The following TMEM132C variants were observed in gnomAD, a reference collection of about 807,000 sequenced individuals.
The protein encoded by TMEM132C is transmembrane protein 132C, also known as protein phosphatase 1, regulatory subunit 152.
A neutral mutation model predicts 61.4 loss-of-function variants in TMEM132C; 29 were observed. That is an observed-to-expected ratio of 0.47 (90% CI 0.35 to 0.64). The LOEUF is 0.64. TMEM132C is among the 30% of genes least tolerant of loss of function. The pLI is 0.00. For missense variants in TMEM132C, 1,408 were observed against 1,476.9 expected (o/e 0.95, Z 0.76); for synonymous variants, 656 against 633.1 (o/e 1.04, Z -0.54).
intron 5 of TMEM132C, among the ~76,000 whole-genome samples, chr12:128,693,386 C>G (rs1457137857): frequency 6.6e-6 from 1 of 152,198 alleles, no homozygotes; most frequent in Non-Finnish European, 1.5e-5. Context: ...CAGTTCTGTA[C>G]AAGTTCAAGT....
chr12:128,515,189 C>A (rs1418171354), intron 2 of TMEM132C, among the ~76,000 whole-genome samples: 1 of 152,184 alleles, frequency 6.6e-6, no homozygotes, highest in Non-Finnish European at 1.5e-5. Flanking sequence ...AGCCGTGTAA[C>A]CTGTTTCTAG....
chr12:128,277,271 C>T (rs956151931), intron 1 of TMEM132C, among the ~76,000 whole-genome samples: 1 of 152,194 alleles, frequency 6.6e-6, no homozygotes, highest in African/African-American at 2.4e-5. Flanking sequence ...TCAGGCACAG[C>T]TGGATCCAGG....
chr12:128,575,255 C>T (rs1231746586), intron 3 of TMEM132C, among the ~76,000 whole-genome samples: 1 of 152,166 alleles, frequency 6.6e-6, no homozygotes, highest in Admixed American at 6.5e-5. Flanking sequence ...CCAAGGCAGG[C>T]GGATCACGAG....
chr12:128,704,191 A>G (rs966345656), intron 8 of TMEM132C, among the ~76,000 whole-genome samples: 6 of 152,226 alleles, frequency 3.9e-5, no homozygotes, highest in African/African-American at 1.4e-4. Context: ...ATTTGCAGCA[A>G]CATGGATGAT....
chr12:128,635,399 A>G (rs982313082), intron 4 of TMEM132C, among the ~76,000 whole-genome samples: 3 of 151,956 alleles, frequency 2.0e-5, no homozygotes, highest in African/African-American at 7.3e-5. Flanking sequence ...TAGAATGAGA[A>G]TTAATCTTGA....
At chr12:128,504,691 G>A (rs1442793711) in intron 2 of TMEM132C, among the ~76,000 whole-genome samples, 3 of 151,812 alleles carry the variant, frequency 2.0e-5, no homozygotes, top group East Asian at 2.0e-4. Context: ...TAATAAGTAC[G>A]CCAGTCCTAT....
intron 4 of TMEM132C, among the ~76,000 whole-genome samples, chr12:128,619,618 C>T (rs770659808): frequency 3.9e-5 from 6 of 152,222 alleles, no homozygotes; most frequent in East Asian, 1.9e-4. Flanking sequence ...CTTAGCTCCA[C>T]GACCCTCCTG....
chr12:128,334,449 T>C (rs1444079440), intron 1 of TMEM132C, among the ~76,000 whole-genome samples: 1 of 152,206 alleles, frequency 6.6e-6, no homozygotes, highest in Non-Finnish European at 1.5e-5. Flanking sequence ...CATAGACATG[T>C]AGGCCATCAT....
intron 1 of TMEM132C, among the ~76,000 whole-genome samples, chr12:128,334,065 G>A (rs1394936044): frequency 1.3e-5 from 2 of 151,982 alleles, no homozygotes; most frequent in African/African-American, 2.4e-5. Context: ...AGAAGGCCGC[G>A]GATGCTCTCC....
intron 1 of TMEM132C, among the ~76,000 whole-genome samples, chr12:128,359,260 G>T (rs1873617973): frequency 6.6e-6 from 1 of 152,174 alleles, no homozygotes; most frequent in African/African-American, 2.4e-5. Context: ...AGTTCCTCAT[G>T]GCTGGGGAGG....
rs895343251 is a variant in TMEM132C, at chr12:128,660,342, A to C, written c.1306-9075A>C. On this transcript the variant is annotated intron_variant, in intron 4 of 8. Transcript: ENST00000435159. The stretch of plus-strand genomic sequence containing the variant: ...ACTTATAACTTGCTTTAAAATAGCC[A>C]GTTCTATAGGAGAAGTTTCTTCCCA... Among the ~76,000 whole-genome samples, 3 of 152,112 alleles carry C rather than the reference A, an allele frequency of 2.0e-5. No homozygotes were observed. In the South Asian group the frequency reaches 6.2e-4, roughly 32 times the overall value.
chr12:128,404,265 T>C (rs1311136618), intron 1 of TMEM132C, among the ~76,000 whole-genome samples: 1 of 152,220 alleles, frequency 6.6e-6, no homozygotes, highest in African/African-American at 2.4e-5. Context: ...ACTATATTTG[T>C]GGGCATATTT....
At chr12:128,464,379 T>A (rs1046546092) in intron 2 of TMEM132C, among the ~76,000 whole-genome samples, 19 of 152,102 alleles carry the variant, frequency 1.2e-4, no homozygotes, top group African/African-American at 4.6e-4. Context: ...ATGAGCCAGG[T>A]CCCCAGACCT....
intron 2 of TMEM132C, among the ~76,000 whole-genome samples, chr12:128,526,001 G>T (rs1160912608): frequency 3.3e-5 from 5 of 152,230 alleles, no homozygotes; most frequent in Non-Finnish European, 7.3e-5. Flanking sequence ...GAATGCCACA[G>T]AATGTGCTCT....
chr12:128,454,201 T>C (rs543563656), intron 2 of TMEM132C, among the ~76,000 whole-genome samples: 2 of 152,318 alleles, frequency 1.3e-5, no homozygotes, highest in Admixed American at 1.3e-4. Context: ...TAGAAATAAC[T>C]ATCATTTATC....
chr12:128,315,211 A>G (rs1444141975), intron 1 of TMEM132C, among the ~76,000 whole-genome samples: 1 of 152,184 alleles, frequency 6.6e-6, no homozygotes, highest in East Asian at 1.9e-4. Context: ...CCGAGGTACA[A>G]GAGAGCTTGG....
chr12:128,358,316 C>T (rs1191594001), intron 1 of TMEM132C, among the ~76,000 whole-genome samples: 5 of 152,158 alleles, frequency 3.3e-5, no homozygotes, highest in Non-Finnish European at 7.3e-5. Context: ...GCTTATCCTG[C>T]TCAAAAATTG....
At chr12:128,642,082 C>T (rs754722973) in intron 4 of TMEM132C, among the ~76,000 whole-genome samples, 1 of 151,362 alleles carries the variant, frequency 6.6e-6, no homozygotes, top group Non-Finnish European at 1.5e-5. Flanking sequence ...GGATTACAGG[C>T]ATGAGCCACC....
chr12:128,481,051 G>T (rs1325398415), intron 2 of TMEM132C, among the ~76,000 whole-genome samples: 1 of 152,150 alleles, frequency 6.6e-6, no homozygotes, highest in Non-Finnish European at 1.5e-5. Context: ...AACTGAAGAC[G>T]CGAATGAACA....
Sources: gnomAD v4.1 joint callset for allele counts (sites outside exome capture counted in the v4.1 genomes callset) on GRCh38, gnomAD v4.1.1 for gene constraint, MANE v1.5 for transcripts, NCBI Gene and HGNC (gene_info 2026-07-23, HGNC 2026-07-21) for gene names.